Variants in DENND1B observed in about 807,000 individuals in gnomAD.
DENND1B encodes the protein DENN domain-containing protein 1B.
Under a neutral mutation model 90.1 loss-of-function variants are expected in DENND1B, and 59 were observed. The observed-to-expected ratio is 0.65, with a 90% CI of 0.53 to 0.81. DENND1B has a LOEUF of 0.81. Ranked by LOEUF, DENND1B falls within the 40% of genes least tolerant of loss-of-function variation. DENND1B has a pLI of 0.00. For missense variants in DENND1B, 862 were observed against 912.6 expected (o/e 0.94, Z 0.71); for synonymous variants, 337 against 324.6 (o/e 1.04, Z -0.41).
intron 3 of DENND1B, among the ~76,000 whole-genome samples, chr1:197,701,813 T>A (rs551439695): frequency 1.3e-5 from 2 of 152,246 alleles, no homozygotes; most frequent in South Asian, 4.1e-4. Flanking sequence ...TAAAATTTGG[T>A]AAAATTTTTC....
intron 2 of DENND1B, among the ~76,000 whole-genome samples, chr1:197,729,990 A>G (rs904171496): frequency 3.3e-5 from 5 of 152,084 alleles, no homozygotes; most frequent in African/African-American, 1.2e-4. Context: ...ACTACGAAAA[A>G]AGTTCTGACC....
chr1:197,552,495 T>C (rs1671321626), intron 16 of DENND1B: 2 of 985,508 alleles, frequency 2.0e-6, no homozygotes, highest in South Asian at 4.7e-5. Flanking sequence ...ATTGTACTTA[T>C]GGAATGGTAA....
chr1:197,675,448 A>AT (rs1655959249), intron 3 of DENND1B, among the ~76,000 whole-genome samples: 1 of 152,122 alleles, frequency 6.6e-6, no homozygotes. Context: ...GTAAAAAAAA[A>AT]AATCATCTAC....
Position 197,642,731 on chromosome 1 carries a change from T to C in DENND1B, c.652A>G (p.Ile218Val). The C allele has an allele frequency of 6.2e-7, 1 of 1,613,312 alleles. No individual in the cohort carries two copies. The highest frequency in any genetic ancestry group is 8.5e-7 in the Non-Finnish European group (1 of 1,179,606). ...SMLHERRIVI[I>V]SSKLSTLTAC... ...CTTACAGTGCTTAATTTGCTCGAGA[T>C]AATCACGATGCGCCTTTCATGCAGC... Residue 218 changes from isoleucine to valine, a missense_variant, in exon 10 of 23, where the codon ATC becomes GTC. Physicochemically the swap from Ile to Val is conservative, Grantham distance 29 (BLOSUM62 3). Coordinates refer to ENST00000620048, the MANE Select transcript of DENND1B (RefSeq NM_001195215.2).
intron 15 of DENND1B, among the ~76,000 whole-genome samples, chr1:197,560,570 A>T (rs1423699232): frequency 6.6e-6 from 1 of 151,828 alleles, no homozygotes; most frequent in Non-Finnish European, 1.5e-5. Flanking sequence ...GTTTAATGGG[A>T]AAAGAGGATT....
intron 2 of DENND1B, among the ~76,000 whole-genome samples, chr1:197,750,570 CTAGATAGA>C (rs57505824): frequency 0.17 from 25,192 of 149,134 alleles, 2,496 homozygotes; most frequent in East Asian, 0.29. Flanking sequence ...AAAAGCAAAC[CTAGATAGA>C]TAGATAGATA....
At chr1:197,684,858 C>T (rs1377545588) in intron 3 of DENND1B, among the ~76,000 whole-genome samples, 2 of 152,132 alleles carry the variant, frequency 1.3e-5, no homozygotes, top group African/African-American at 4.8e-5. Context: ...GTGGCTCATG[C>T]CTGTAATCCC....
intron 11 of DENND1B, among the ~76,000 whole-genome samples, chr1:197,613,380 T>TAATTCC (rs1369562565): frequency 1.3e-5 from 2 of 150,928 alleles, no homozygotes; most frequent in African/African-American, 4.8e-5. Context: ...TACTAGATTC[T>TAATTCC]AATTCCCAGT....
At position 197,775,157 on chromosome 1, in the gene DENND1B, G is replaced by A. The variant is rs1657154282; in HGVS notation, c.-2C>T. 1.5e-6 allele frequency: 2 copies of A among 1,304,356 alleles called. No homozygotes were observed. Among genetic ancestry groups the A allele is most frequent in the African/African-American group, 1.5e-5 (1 of 64,764 alleles). The allele number at this position is 1,304,356 out of a possible 1,614,324, so 80.8% of individuals were successfully genotyped here. A position where few individuals can be genotyped will look rare whatever the true frequency, so the allele number is the denominator to read the frequency against. On this transcript the variant is annotated 5_prime_UTR_variant, in exon 1 of 23. Transcript: ENST00000620048. ...CACTCACTTGGTCCTGCAGTCCATG[G>A]TTACATGTCGGTGTGGGGCTGTCCG...
chr1:197,527,081 GT>G (rs1449040824), intron 20 of DENND1B, among the ~76,000 whole-genome samples: 4 of 152,070 alleles, frequency 2.6e-5, no homozygotes, highest in Middle Eastern at 3.2e-3. Flanking sequence ...ATAACTTTCT[GT>G]CACATTAACA....
intron 2 of DENND1B, among the ~76,000 whole-genome samples, chr1:197,753,604 G>A (rs1414059859): frequency 6.6e-6 from 1 of 152,064 alleles, no homozygotes; most frequent in African/African-American, 2.4e-5. Context: ...CCACTCTGGT[G>A]GGGGATGTTG....
rs1008541883 is a variant in DENND1B at position 197,504,793 on chromosome 1, T to C, written c.*5667A>G. 4 of 151,974 alleles carry C rather than the reference T, an allele frequency of 2.6e-5. No homozygotes were observed. The highest frequency in any genetic ancestry group is 2.1e-4 in the South Asian group (1 of 4,816). 9.4% of individuals were successfully genotyped at this position (151,974 alleles called of 1,614,324 possible). On this transcript the variant is annotated 3_prime_UTR_variant, in exon 23 of 23. Coordinates refer to ENST00000620048, the MANE Select transcript of DENND1B (RefSeq NM_001195215.2). The stretch of plus-strand genomic sequence containing the variant: ...TTTTAGAACTGCATTTTTGGGTGTT[T>C]TATGGTAATGTAGATTTTATTCAAT...
intron 5 of DENND1B, among the ~76,000 whole-genome samples, chr1:197,666,029 A>T (rs1312952636): frequency 1.3e-5 from 2 of 152,184 alleles, no homozygotes; most frequent in African/African-American, 4.8e-5. Context: ...CACAAAAGGC[A>T]CCTTTAAGGA....
intron 13 of DENND1B, among the ~76,000 whole-genome samples, chr1:197,603,129 C>A (rs1160275179): frequency 1.3e-5 from 2 of 151,206 alleles, no homozygotes; most frequent in Non-Finnish European, 1.5e-5. Flanking sequence ...TTTCTATACA[C>A]CCTCATAGTA....
At chr1:197,572,741 T>A (rs572249202) in intron 15 of DENND1B, among the ~76,000 whole-genome samples, 2 of 152,266 alleles carry the variant, frequency 1.3e-5, no homozygotes, top group African/African-American at 4.8e-5. Context: ...ATATTTACTG[T>A]TCTGCAGCCT....
chr1:197,719,021 C>T (rs575171461), intron 2 of DENND1B, among the ~76,000 whole-genome samples: 1 of 152,116 alleles, frequency 6.6e-6, no homozygotes, highest in South Asian at 2.1e-4. Context: ...ACAAATGCTG[C>T]AACACATTGA....
chr1:197,759,285 A>C (rs1654710266), intron 2 of DENND1B, among the ~76,000 whole-genome samples: 1 of 151,734 alleles, frequency 6.6e-6, no homozygotes, highest in Non-Finnish European at 1.5e-5. Context: ...ACTTCTTTAA[A>C]AAATTTAAAA....
chr1:197,670,258 A>C (rs899375680), intron 5 of DENND1B, among the ~76,000 whole-genome samples: 8 of 152,288 alleles, frequency 5.3e-5, no homozygotes, highest in Non-Finnish European at 1.0e-4. Context: ...ATGATTAATA[A>C]GTTCAATGTA....
rs557207975 is a variant in DENND1B, at chr1:197,641,711, A to G, written c.672+1000T>C. Among the ~76,000 whole-genome samples, 6 of 152,258 alleles carry G rather than the reference A, an allele frequency of 3.9e-5. No homozygotes were observed. The South Asian group carries it at 8.3e-4, about 21-fold the overall frequency. On this transcript the variant is annotated intron_variant, in intron 10 of 22. Coordinates refer to ENST00000620048, the MANE Select transcript of DENND1B (RefSeq NM_001195215.2). ...TTAGAATCAAAAGACTCAATTTCAC[A>G]TTATCTGTCTCTAACTAGCTGTTTG...
Sources: allele counts gnomAD v4.1 joint callset (sites outside exome capture counted in the v4.1 genomes callset), GRCh38; gene constraint gnomAD v4.1.1; transcripts MANE v1.5; gene names NCBI Gene and HGNC (gene_info 2026-07-23, HGNC 2026-07-21).